The following PLCXD2 variants were observed in gnomAD, a reference collection of about 807,000 sequenced individuals.
The protein encoded by PLCXD2 is PI-PLC X domain-containing protein 2.
A neutral mutation model predicts 28.6 loss-of-function variants in PLCXD2; 21 were observed. The observed-to-expected ratio is 0.73, with a 90% confidence interval of 0.52 to 1.06. The LOEUF is 1.06. Among genes scored for constraint, PLCXD2 ranks in the 50% least tolerant of loss-of-function variants. PLCXD2 has a pLI of 0.00. For synonymous variants in PLCXD2, 140 were observed against 150.1 expected, an observed-to-expected ratio of 0.93 and a Z score of 0.49; for missense variants, 369 against 376.7, an observed-to-expected ratio of 0.98 and a Z score of 0.17.
At chr3:111,701,570 G>A (rs1941042137) in intron 1 of PLCXD2, among the ~76,000 whole-genome samples, 2 of 152,208 alleles carry the variant, frequency 1.3e-5, no homozygotes, top group South Asian at 2.1e-4. Context: ...AAGGCGGGAA[G>A]TGGGAGGAAT....
At chr3:111,690,139 A>AT (rs397698593) in intron 1 of PLCXD2, among the ~76,000 whole-genome samples, 2 of 151,800 alleles carry the variant, frequency 1.3e-5, no homozygotes, top group East Asian at 3.9e-4. Context: ...AATTGTAAAA[A>AT]TTAGGTCATG....
chr3:111,699,213 AC>A (rs1483423400), intron 1 of PLCXD2, among the ~76,000 whole-genome samples: 1 of 152,108 alleles, frequency 6.6e-6, no homozygotes, highest in Non-Finnish European at 1.5e-5. Flanking sequence ...GCTTCACTTA[AC>A]TCTTGTCTCA....
At chr3:111,683,796 G>A (rs1378898696) in intron 1 of PLCXD2, among the ~76,000 whole-genome samples, 1 of 152,132 alleles carries the variant, frequency 6.6e-6, no homozygotes, top group Non-Finnish European at 1.5e-5. Flanking sequence ...ATCTTAACAA[G>A]ACTAGGGAGG....
intron 3 of PLCXD2, among the ~76,000 whole-genome samples, chr3:111,719,334 A>G (rs1044715281): frequency 6.6e-6 from 1 of 152,228 alleles, no homozygotes; most frequent in African/African-American, 2.4e-5. Context: ...AAATATTCAC[A>G]AAATATATCT....
At chr3:111,725,817 G>A (rs972844454) in intron 3 of PLCXD2, 1 of 398,530 alleles carries the variant, frequency 2.5e-6, no homozygotes, top group African/African-American at 2.1e-5. Context: ...CAACAGTCTA[G>A]AGGCATATTC....
chr3:111,688,872 G>T (rs1263839565), intron 1 of PLCXD2, among the ~76,000 whole-genome samples: 1 of 151,524 alleles, frequency 6.6e-6, no homozygotes, highest in African/African-American at 2.4e-5. Context: ...TTAGAATATT[G>T]CCAATTATGA....
In PLCXD2 at chr3:111,689,464, G is replaced by A. The variant is rs560255628; in HGVS notation, c.163+14056G>A. Among the ~76,000 whole-genome samples, 39 of 152,332 alleles carry A rather than the reference G, an allele frequency of 2.6e-4. 1 individual carries two copies. The highest frequency in any genetic ancestry group is 1.3e-3 in the Admixed American group (20 of 15,306). On this transcript the variant is annotated intron_variant, in intron 1 of 4. Transcript: ENST00000477665. The stretch of plus-strand genomic sequence containing the variant: ...GGCTTGAAGAAAACTGTGAAAGAAA[G>A]TGTTCTATCCCTGTTATAATTCCAG...
chr3:111,697,909 A>G (rs575839063), intron 1 of PLCXD2, among the ~76,000 whole-genome samples: 1 of 152,284 alleles, frequency 6.6e-6, no homozygotes, highest in Admixed American at 6.5e-5. Flanking sequence ...TTTTAGTTTT[A>G]GTGCCAATTT....
intron 1 of PLCXD2, among the ~76,000 whole-genome samples, chr3:111,701,096 A>T (rs1941036030): frequency 6.6e-6 from 1 of 152,180 alleles, no homozygotes; most frequent in Non-Finnish European, 1.5e-5. Context: ...GACCATCAGT[A>T]TTTAAGGCAA....
chr3:111,681,241 A>G (rs1335393136), intron 1 of PLCXD2, among the ~76,000 whole-genome samples: 4 of 152,236 alleles, frequency 2.6e-5, no homozygotes, highest in Admixed American at 2.6e-4. Flanking sequence ...TGGCTGATCA[A>G]GACAGCCAGA....
intron 1 of PLCXD2, among the ~76,000 whole-genome samples, chr3:111,698,357 C>G (rs570358014): frequency 1.3e-5 from 2 of 152,200 alleles, no homozygotes; most frequent in Non-Finnish European, 2.9e-5. Context: ...ATTATGAACT[C>G]AGGCAGCCTG....
chr3:111,683,215 T>C (rs13318497), intron 1 of PLCXD2, among the ~76,000 whole-genome samples: 6,656 of 152,116 alleles, frequency 0.044, 238 homozygotes, highest in African/African-American at 0.091. Context: ...GAAATATAAA[T>C]AGCGAGGAGT....
chr3:111,682,907 G>T (rs1246238363), intron 1 of PLCXD2, among the ~76,000 whole-genome samples: 1 of 152,058 alleles, frequency 6.6e-6, no homozygotes, highest in Non-Finnish European at 1.5e-5. Context: ...TGCTTCTTTT[G>T]GTTCTCATTG....
At chr3:111,691,681 A>G (rs1940880279) in intron 1 of PLCXD2, among the ~76,000 whole-genome samples, 1 of 152,256 alleles carries the variant, frequency 6.6e-6, no homozygotes, top group Non-Finnish European at 1.5e-5. Context: ...ATAAGGACAT[A>G]GAACCAATAC....
intron 1 of PLCXD2, chr3:111,677,575 TC>T (rs1338595656): frequency 1.3e-5 from 2 of 152,236 alleles, no homozygotes; most frequent in African/African-American, 4.8e-5. Flanking sequence ...GGTATTAACA[TC>T]CTCACTTTAG....
In PLCXD2 at chr3:111,718,548, A is replaced by G. The variant is rs539786898; in HGVS notation, c.866+4420A>G. Among the ~76,000 whole-genome samples, 11 of 151,326 alleles carry G rather than the reference A, an allele frequency of 7.3e-5. No homozygotes were observed. In the South Asian group the frequency reaches 2.3e-3, roughly 32 times the overall value. On this transcript the variant is annotated intron_variant, in intron 3 of 4. Transcript: ENST00000477665. The stretch of plus-strand genomic sequence containing the variant: ...AGATAGATAGATTGATTGATTTATG[A>G]TATGTGTTTTAGCCCGTGGCTGATT...
At chr3:111,695,160 T>TA (rs10662190) in intron 1 of PLCXD2, among the ~76,000 whole-genome samples, 113,683 of 132,362 alleles carry the variant, frequency 0.86, 48,880 homozygotes, top group Admixed American at 0.9. Context: ...ACCCATTTTC[T>TA]AAAAAAAAAA....
chr3:111,681,335 G>C (rs1408103582), intron 1 of PLCXD2, among the ~76,000 whole-genome samples: 1 of 152,144 alleles, frequency 6.6e-6, no homozygotes, highest in Non-Finnish European at 1.5e-5. Flanking sequence ...CAGAGCCTTT[G>C]GGAAAAACTC....
At chr3:111,722,162 A>C (rs1456398823) in intron 3 of PLCXD2, 2 of 140,478 alleles carry the variant, frequency 1.4e-5, no homozygotes, top group Non-Finnish European at 3.2e-5. Flanking sequence ...GCTTATCTAT[A>C]AGGAGCCCTC....
Sources: gnomAD v4.1 joint callset for allele counts (sites outside exome capture counted in the v4.1 genomes callset) on GRCh38, gnomAD v4.1.1 for gene constraint, MANE v1.5 for transcripts, NCBI Gene and HGNC (gene_info 2026-07-23, HGNC 2026-07-21) for gene names.